IFRD1: variants seen among roughly 807,000 people sequenced by gnomAD.
The protein encoded by IFRD1 is interferon-related developmental regulator 1.
IFRD1 carries 35 observed loss-of-function variants against 52.9 expected under a neutral mutation model. The ratio of observed to expected loss-of-function variants is 0.66; its 90% CI spans 0.51 to 0.88. The LOEUF (loss-of-function observed/expected upper bound fraction) is 0.88, where lower values mean the gene tolerates loss of function less well. Ranked by LOEUF, IFRD1 falls within the 40% of genes least tolerant of loss-of-function variation. The pLI, the probability that IFRD1 is intolerant of heterozygous loss-of-function variation, is 0.00. For missense variants in IFRD1, 517 were observed against 550.8 expected (o/e 0.94, Z 0.61); for synonymous variants, 184 against 188.4 (o/e 0.98, Z 0.19).
At chr7:112,443,032 A>G (rs1227764009) in intron 1 of IFRD1, among the ~76,000 whole-genome samples, 1 of 152,218 alleles carries the variant, frequency 6.6e-6, no homozygotes, top group African/African-American at 2.4e-5. Context: ...CACATGAAAT[A>G]GGTTCTATCA....
chr7:112,425,446 T>C (rs1176324952), intron 1 of IFRD1, among the ~76,000 whole-genome samples: 1 of 152,328 alleles, frequency 6.6e-6, no homozygotes, highest in South Asian at 2.1e-4. Context: ...TCTCTCCCTC[T>C]CCCTTCTGGA....
At chr7:112,452,669 A>T (rs1795193984) in intron 1 of IFRD1, among the ~76,000 whole-genome samples, 1 of 152,192 alleles carries the variant, frequency 6.6e-6, no homozygotes, top group African/African-American at 2.4e-5. Flanking sequence ...CTTTGTGCTT[A>T]TAGTACCTAT....
Position 112,456,917 on chromosome 7 carries a change from G to A in IFRD1, c.288G>A (p.Ala96=), listed in dbSNP as rs775079574. ...GLIDLTLDKS[A]KTRQAALEGI... ...TCTTACATTGGGTGTTAAATAGTGCGAAGACAAGGCAAGCAGCTCTTGAAG... is the reference window on the plus strand; with the variant it reads ...TCTTACATTGGGTGTTAAATAGTGCAAAGACAAGGCAAGCAGCTCTTGAAG... The change falls in exon 4 of 12, where the codon GCG becomes GCA. Residue 96 remains alanine, a synonymous_variant. Transcript: ENST00000403825. The A allele has an allele frequency of 1.1e-5, 18 of 1,613,412 alleles. No homozygotes were observed. The highest frequency in any genetic ancestry group is 9.9e-5 in the South Asian group (9 of 91,068).
Position 112,462,034 on chromosome 7 carries a change from A to G in IFRD1, c.652A>G (p.Ile218Val), listed in dbSNP as rs774923155. ...CTCAACTCTGGAATGTTTGGAAAATATCTTCACTAAATCCTATCTCAAAGA... is the reference window on the plus strand; with the variant it reads ...CTCAACTCTGGAATGTTTGGAAAATGTCTTCACTAAATCCTATCTCAAAGA... ...LYSTLECLEN[I>V]FTKSYLKEKD... The change falls in exon 7 of 12, where the codon ATC (isoleucine) becomes GTC (valine). Residue 218 changes from isoleucine to valine, a missense_variant. By Grantham distance (29) the Ile-to-Val change is conservative. Coordinates refer to ENST00000403825, the MANE Select transcript of IFRD1 (RefSeq NM_001550.4). The G allele has an allele frequency of 1.2e-6, 2 of 1,613,296 alleles. No individual in the cohort carries two copies. The highest frequency in any genetic ancestry group is 1.1e-5 in the South Asian group (1 of 91,070).
At chr7:112,475,339 A>C in intron 11 of IFRD1, 91 bp from the exon 12 acceptor site, 1 of 743,366 alleles carries the variant, frequency 1.3e-6, no homozygotes, top group Non-Finnish European at 2.3e-6. Context: ...AAATTAGTTC[A>C]TTTCTTTTCT....
chr7:112,439,291 A>G (rs1794804968), intron 1 of IFRD1, among the ~76,000 whole-genome samples: 1 of 152,346 alleles, frequency 6.6e-6, no homozygotes, highest in South Asian at 2.1e-4. Flanking sequence ...TTCTTGGAAC[A>G]TATGGGACTT....
At chr7:112,470,769 C>T (rs931892802) in intron 9 of IFRD1, among the ~76,000 whole-genome samples, 4 of 152,160 alleles carry the variant, frequency 2.6e-5, no homozygotes, top group African/African-American at 4.8e-5. Context: ...CTGTAGATTA[C>T]TTATAATACC....
Position 112,462,108 on chromosome 7 carries a change from C to A in IFRD1, c.726C>A (p.Ile242=). 2 of 1,613,638 alleles carry A rather than the reference C, an allele frequency of 1.2e-6. No homozygotes were observed. Among genetic ancestry groups the A allele is most frequent in the East Asian group, 2.2e-5 (1 of 44,862 alleles). ...ICSTPNTVLH[I]SSLLAWTLLL... ...GCACTCCTAATACAGTGCTTCATATCAGCTCTCTTCTTGCATGGACACTAC... is the reference window on the plus strand; with the variant it reads ...GCACTCCTAATACAGTGCTTCATATAAGCTCTCTTCTTGCATGGACACTAC... The change falls in exon 7 of 12, where the codon ATC becomes ATA. Residue 242 remains isoleucine, a synonymous_variant. Transcript: ENST00000403825.
At chr7:112,441,277 AAAAAAC>A (rs150721531) in intron 1 of IFRD1, among the ~76,000 whole-genome samples, 6 of 151,128 alleles carry the variant, frequency 4.0e-5, no homozygotes, top group South Asian at 2.1e-4. Flanking sequence ...CCTGTCTTAA[AAAAAAC>A]AAAAACAAAA....
chr7:112,461,573 A>G, intron 5 of IFRD1: 1 of 200,962 alleles, frequency 5.0e-6, no homozygotes, highest in South Asian at 1.5e-4. Flanking sequence ...GAAATTATGT[A>G]ATTCTTTTGC....
intron 1 of IFRD1, among the ~76,000 whole-genome samples, chr7:112,424,374 T>C (rs1794383157): frequency 6.6e-6 from 1 of 151,964 alleles, no homozygotes; most frequent in Non-Finnish European, 1.5e-5. Context: ...GTAGGGAGTG[T>C]CTGGTGAAGG....
intron 1 of IFRD1, among the ~76,000 whole-genome samples, chr7:112,437,043 G>A (rs1033829571): frequency 1.8e-4 from 27 of 151,956 alleles, no homozygotes; most frequent in African/African-American, 6.5e-4. Context: ...AACCTCTAGG[G>A]CCCACCAAAC....
chr7:112,431,127 C>G (rs1794539325), intron 1 of IFRD1, among the ~76,000 whole-genome samples: 1 of 152,196 alleles, frequency 6.6e-6, no homozygotes. Flanking sequence ...GGCCAGAAAG[C>G]TACTGACACC....
At chr7:112,443,702 T>C (rs947485496) in intron 1 of IFRD1, among the ~76,000 whole-genome samples, 2 of 151,866 alleles carry the variant, frequency 1.3e-5, no homozygotes, top group African/African-American at 4.8e-5. Context: ...ACCCCGTCTT[T>C]ACTAAAAATA....
chr7:112,437,237 C>G (rs985583679), intron 1 of IFRD1: 4 of 154,726 alleles, frequency 2.6e-5, no homozygotes, highest in African/African-American at 7.2e-5. Flanking sequence ...AAGCAGTAAC[C>G]TGATGATTCA....
intron 8 of IFRD1, among the ~76,000 whole-genome samples, chr7:112,466,149 T>C (rs961356795): frequency 6.6e-6 from 1 of 152,132 alleles, no homozygotes; most frequent in Non-Finnish European, 1.5e-5. Context: ...CCCAGAGTGG[T>C]ACAGCTCTAT....
chr7:112,449,919 G>C (rs1406820743), upstream of IFRD1: 1 of 152,280 alleles, frequency 6.6e-6, no homozygotes, highest in African/African-American at 2.4e-5. Flanking sequence ...CATGGAACTA[G>C]TTAAAACTAA....
At chr7:112,473,804 C>T (rs773364947) in intron 11 of IFRD1, among the ~76,000 whole-genome samples, 4 of 152,094 alleles carry the variant, frequency 2.6e-5, no homozygotes, top group Non-Finnish European at 5.9e-5. Context: ...TTAAAGTATA[C>T]AGTTCAGTGG....
At chr7:112,460,241 GTTT>G (rs35314166) in intron 5 of IFRD1, among the ~76,000 whole-genome samples, 14 of 92,960 alleles carry the variant, frequency 1.5e-4, no homozygotes, top group East Asian at 1.2e-3. Context: ...CAGTCCTAGG[GTTT>G]TTTTTTTTTT....
Sources: gnomAD v4.1 joint callset for allele counts (sites outside exome capture counted in the v4.1 genomes callset) on GRCh38, gnomAD v4.1.1 for gene constraint, MANE v1.5 for transcripts, NCBI Gene and HGNC (gene_info 2026-07-23, HGNC 2026-07-21) for gene names.